Variants in UTP20 observed in about 807,000 individuals in gnomAD.
UTP20 encodes the protein UTP20 small subunit processome component, also known as small subunit processome component 20 homolog.
Under a neutral mutation model 329.5 loss-of-function variants are expected in UTP20, and 164 were observed. That is an observed-to-expected ratio of 0.50 (90% CI 0.44 to 0.57). The LOEUF (loss-of-function observed/expected upper bound fraction) is 0.57. Ranked by LOEUF, UTP20 falls within the 20% of genes least tolerant of loss-of-function variation. The pLI, the probability that UTP20 is intolerant of heterozygous loss-of-function variation, is 0.00. For synonymous variants in UTP20, 1,151 were observed against 1,159.3 expected (o/e 0.99, Z 0.14); for missense variants, 3,055 against 3,284.2 (o/e 0.93, Z 1.71).
At position 101,366,659 on chromosome 12, in the gene UTP20, G is replaced by C. The variant is rs777054847; in HGVS notation, c.6227G>C (p.Arg2076Thr). The C allele has an allele frequency of 6.2e-7, 1 of 1,614,004 alleles. No homozygotes were observed. Among genetic ancestry groups the C allele is most frequent in the African/African-American group, 1.3e-5 (1 of 74,916 alleles). The change falls in exon 47 of 62, where the codon AGG becomes ACG. Residue 2076 changes from arginine to threonine, a missense_variant. Arg to Thr is a moderately conservative substitution (Grantham distance 71). Coordinates refer to ENST00000261637, the MANE Select transcript of UTP20 (RefSeq NM_014503.3). ...GGTGGACAGAAAGCTGTTGTGAGCA[G>C]GAAAACCAACATGCACATATTTATT... is the stretch of plus-strand genomic sequence containing the variant. ...VRGGQKAVVS[R>T]KTNMHIFIES...
At position 101,280,232 on chromosome 12, in the gene UTP20, C is replaced by T. The variant is rs1464046716; in HGVS notation, c.-51C>T. 2.3e-4 allele frequency: 364 copies of T among 1,549,246 alleles called. No homozygotes were observed. Among genetic ancestry groups the T allele is most frequent in the Non-Finnish European group, 3.1e-4 (355 of 1,145,040 alleles). On this transcript the variant is annotated 5_prime_UTR_variant, in exon 1 of 62. Transcript: ENST00000261637. ...GCTTTCCCCTCCTTACTGTCGGTTGCATCCCTTCGACACTCCCGAGGCCGT... is the reference window on the plus strand; with the variant it reads ...GCTTTCCCCTCCTTACTGTCGGTTGTATCCCTTCGACACTCCCGAGGCCGT...
chr12:101,317,774 C>A, intron 22 of UTP20, 111 bp downstream of exon 22: 1 of 1,171,802 alleles, frequency 8.5e-7, no homozygotes, highest in Non-Finnish European at 1.2e-6. Context: ...TTTACGTAAG[C>A]GCTACATCTT....
rs756081314 is a variant in UTP20, at chr12:101,285,840, C to T, written c.285C>T (p.His95=). The change falls in exon 4 of 62, where the codon CAC becomes CAT. Residue 95 remains histidine, a synonymous_variant. Transcript: ENST00000261637. ...AGATAGTTCAGAGTTTGAAGACTCA[C>T]CTGCAAGTTAAGAACAGTTTTGCCT... The part of the protein sequence containing the change: ...QNEIVQSLKT[H]LQVKNSFAYQ... 3 of 1,613,710 alleles carry T rather than the reference C, an allele frequency of 1.9e-6. No individual in the cohort carries two copies. Among genetic ancestry groups the T allele is most frequent in the Middle Eastern group, 1.6e-4 (1 of 6,080 alleles).
Position 101,363,729 on chromosome 12 carries a change from C to A in UTP20, c.5944C>A (p.Leu1982Ile). 6.2e-7 allele frequency: 1 copy of A among 1,604,518 alleles called. No individual in the cohort carries two copies. The highest frequency in any genetic ancestry group is 1.1e-5 in the South Asian group (1 of 90,910). ...VGKDQVTKLI[L>I]PLKEILQNTT... ...AAAAGATCAGGTTACAAAACTCATCCTTCCATTAAAAGAGGTAAGGACGTA... is the reference window on the plus strand; with the variant it reads ...AAAAGATCAGGTTACAAAACTCATCATTCCATTAAAAGAGGTAAGGACGTA... Residue 1982 changes from leucine to isoleucine, a missense_variant, in exon 45 of 62, where the codon CTT (leucine) becomes ATT (isoleucine). Coordinates refer to ENST00000261637, the MANE Select transcript of UTP20 (RefSeq NM_014503.3).
Position 101,320,941 on chromosome 12 carries a change from A to G in UTP20, c.2915+4A>G, listed in dbSNP as rs1436024380. ...ATCCTCATGTCCTCCCTTACAGGTA[A>G]GTTACTTGAAGCTTAAAGAACTGTT... On this transcript the variant is annotated splice_donor_region_variant and intron_variant, in intron 24 of 61. Transcript: ENST00000261637. 10 of 1,600,412 alleles carry G rather than the reference A, an allele frequency of 6.2e-6. No individual in the cohort carries two copies. Among genetic ancestry groups the G allele is most frequent in the East Asian group, 2.2e-5 (1 of 44,616 alleles).
intron 25 of UTP20, among the ~76,000 whole-genome samples, chr12:101,321,901 C>T (rs1357809031): frequency 1.3e-5 from 2 of 151,884 alleles, no homozygotes; most frequent in East Asian, 3.9e-4. Flanking sequence ...TGAGCCATCA[C>T]CGCCAGCTGC....
chr12:101,288,558 C>T (rs1413703125), intron 5 of UTP20, among the ~76,000 whole-genome samples: 1 of 152,236 alleles, frequency 6.6e-6, no homozygotes, highest in East Asian at 1.9e-4. Flanking sequence ...AGCTGCTCTC[C>T]TCTACTGTAT....
intron 43 of UTP20, among the ~76,000 whole-genome samples, chr12:101,358,058 G>A (rs568017840): frequency 7.9e-5 from 12 of 152,302 alleles, no homozygotes; most frequent in Middle Eastern, 3.4e-3. Context: ...TACAGTCGAC[G>A]TGATTAAGAC....
In UTP20 at chr12:101,342,762, A is replaced by T. The variant is rs754864797; in HGVS notation, c.4246-25A>T. 9 of 1,607,024 alleles carry T rather than the reference A, an allele frequency of 5.6e-6. No individual in the cohort carries two copies. The South Asian group carries it at 1.0e-4, about 18-fold the overall frequency. ...AAAGTTAAAGTTTTATTCACTGATA[A>T]ATACACTGTTTTCTTTCCTTTCAGA... On this transcript the variant is annotated intron_variant, in intron 33 of 61. Transcript: ENST00000261637.
chr12:101,356,414 C>A, intron 41 of UTP20, 140 bp from the exon 42 acceptor site: 1 of 838,698 alleles, frequency 1.2e-6, no homozygotes, highest in Non-Finnish European at 1.8e-6. Flanking sequence ...GCATGAGCCA[C>A]CGCACCCAGC....
At chr12:101,331,643 G>A (rs1868765170) in intron 27 of UTP20, among the ~76,000 whole-genome samples, 1 of 152,162 alleles carries the variant, frequency 6.6e-6, no homozygotes, top group Admixed American at 6.5e-5. Context: ...CTGTCTGTCA[G>A]ATTATCAGAT....
intron 19 of UTP20, among the ~76,000 whole-genome samples, 190 bp from the exon 20 acceptor site, chr12:101,311,529 A>G (rs1051319156): frequency 1.3e-5 from 2 of 152,226 alleles, no homozygotes; most frequent in Non-Finnish European, 2.9e-5. Flanking sequence ...TATGACTATA[A>G]AAATGATTTG....
In UTP20 at chr12:101,344,934, C is replaced by CTTTTTTTTTTTTT. The variant is rs11417670; in HGVS notation, c.4605+201_4605+213dup. On this transcript the variant is annotated intron_variant, in intron 36 of 61. Coordinates refer to ENST00000261637, the MANE Select transcript of UTP20 (RefSeq NM_014503.3). ...CTAGAAAGGAGAGCACTTTTTTTTG[C>CTTTTTTTTTTTTT]TTTTTTTTTTTTTTTTTTTTTTTTT... 3.9e-4 allele frequency among the ~76,000 whole-genome samples: 24 copies of CTTTTTTTTTTTTT among 61,564 alleles called. 3 individuals carry two copies. Among genetic ancestry groups the CTTTTTTTTTTTTT allele is most frequent in the South Asian group, 7.0e-4 (1 of 1,430 alleles). The allele number at this position is 61,564 out of a possible 152,430, so 40.4% of individuals were successfully genotyped here.
chr12:101,370,129 A>G (rs1593452619), intron 49 of UTP20, among the ~76,000 whole-genome samples: 1 of 151,890 alleles, frequency 6.6e-6, no homozygotes. Flanking sequence ...CTGAGGCAGG[A>G]GGATCACTTG....
In UTP20 at chr12:101,290,845, A is replaced by T. The variant is rs777900025; in HGVS notation, c.848A>T (p.Tyr283Phe). 1 of 1,613,852 alleles carries T rather than the reference A, an allele frequency of 6.2e-7. No homozygotes were observed. The highest frequency in any genetic ancestry group is 1.1e-5 in the South Asian group (1 of 90,984). ...LKNMVKSTVS[Y>F]ISKEHFGTFF... Reference sequence around the variant, plus strand: ...AACATGGTCAAATCCACTGTATCCTACATCTCCAAGGAACATTTTGGTACA... The same window carrying T: ...AACATGGTCAAATCCACTGTATCCTTCATCTCCAAGGAACATTTTGGTACA... The change falls in exon 8 of 62, where the codon TAC (tyrosine) becomes TTC (phenylalanine). Residue 283 changes from tyrosine (Y) to phenylalanine (F), a missense_variant. Physicochemically the swap from Tyr to Phe is conservative, Grantham distance 22. Coordinates refer to ENST00000261637, the MANE Select transcript of UTP20 (RefSeq NM_014503.3).
intron 43 of UTP20, among the ~76,000 whole-genome samples, chr12:101,357,919 A>G (rs1869779121): frequency 6.6e-6 from 1 of 152,224 alleles, no homozygotes; most frequent in Non-Finnish European, 1.5e-5. Context: ...GACCCTACAG[A>G]AACTGCATTT....
intron 19 of UTP20, among the ~76,000 whole-genome samples, chr12:101,311,011 G>A (rs931486982): frequency 6.6e-6 from 1 of 152,180 alleles, no homozygotes; most frequent in Non-Finnish European, 1.5e-5. Context: ...ATTACTGAAT[G>A]CCATGAGGCA....
At chr12:101,316,883 C>T (rs1214259142) in intron 21 of UTP20, among the ~76,000 whole-genome samples, 1 of 152,132 alleles carries the variant, frequency 6.6e-6, no homozygotes, top group Non-Finnish European at 1.5e-5. Flanking sequence ...CTGTATTAAG[C>T]TTAGCTGCAC....
intron 27 of UTP20, 108 bp downstream of exon 27, chr12:101,329,557 G>GT: frequency 8.6e-7 from 1 of 1,156,756 alleles, no homozygotes; most frequent in Non-Finnish European, 1.2e-6. Context: ...CTCATTTCAA[G>GT]TTTGATCCCA....
Sources: gnomAD v4.1 joint callset for allele counts (sites outside exome capture counted in the v4.1 genomes callset) on GRCh38, gnomAD v4.1.1 for gene constraint, MANE v1.5 for transcripts, NCBI Gene and HGNC (gene_info 2026-07-23, HGNC 2026-07-21) for gene names.